The following LGR6 variants were observed in gnomAD, a reference collection of about 807,000 sequenced individuals.
LGR6 encodes the protein leucine-rich repeat-containing G protein-coupled receptor 6.
LGR6 carries 45 observed loss-of-function variants against 69.4 expected under a neutral mutation model. The observed-to-expected ratio is 0.65, with a 90% CI of 0.51 to 0.83. The LOEUF is 0.83. Among genes scored for constraint, LGR6 ranks in the 40% least tolerant of loss-of-function variants. LGR6 has a pLI of 0.00. For synonymous variants in LGR6, 538 were observed against 555.0 expected (o/e 0.97, Z 0.43); for missense variants, 1,108 against 1,246.7 (o/e 0.89, Z 1.68).
At chr1:202,271,663 C>A (rs2148143257) in intron 4 of LGR6, among the ~76,000 whole-genome samples, 1 of 152,114 alleles carries the variant, frequency 6.6e-6, no homozygotes, top group South Asian at 2.1e-4. Context: ...AAAAAATTAG[C>A]CGGGCTTGGT....
intron 3 of LGR6, among the ~76,000 whole-genome samples, chr1:202,230,754 C>A (rs1325846814): frequency 2.0e-5 from 3 of 152,198 alleles, no homozygotes; most frequent in Non-Finnish European, 2.9e-5. Context: ...CTGGGTGAGG[C>A]CTGAGGCTTG....
chr1:202,215,624 A>G (rs1333199496), intron 1 of LGR6, among the ~76,000 whole-genome samples: 1 of 152,166 alleles, frequency 6.6e-6, no homozygotes, highest in East Asian at 1.9e-4. Flanking sequence ...TGCCGTTTTC[A>G]TGTGCAGGAT....
intron 1 of LGR6, among the ~76,000 whole-genome samples, chr1:202,218,494 C>T (rs1008740623): frequency 1.3e-5 from 2 of 152,022 alleles, no homozygotes; most frequent in African/African-American, 2.4e-5. Context: ...GATGAGGTCT[C>T]GCAATGTTGT....
At chr1:202,279,866 T>G (rs1294804785) in intron 5 of LGR6, among the ~76,000 whole-genome samples, 1 of 152,256 alleles carries the variant, frequency 6.6e-6, no homozygotes, top group African/African-American at 2.4e-5. Flanking sequence ...TCAAGTGATG[T>G]AGTGTTGGTC....
intron 5 of LGR6, among the ~76,000 whole-genome samples, chr1:202,279,455 C>T (rs1375394019): frequency 6.6e-6 from 1 of 152,192 alleles, no homozygotes; most frequent in Non-Finnish European, 1.5e-5. Flanking sequence ...TTTTCTTCCC[C>T]TTGTCAGTGA....
intron 3 of LGR6, among the ~76,000 whole-genome samples, chr1:202,233,958 G>C (rs1661306441): frequency 6.6e-6 from 1 of 152,212 alleles, no homozygotes; most frequent in Non-Finnish European, 1.5e-5. Flanking sequence ...GATCAGGGCT[G>C]TCTGACTTCA....
intron 1 of LGR6, among the ~76,000 whole-genome samples, chr1:202,208,163 G>A (rs767427173): frequency 5.3e-5 from 8 of 152,086 alleles, no homozygotes; most frequent in Non-Finnish European, 1.0e-4. Context: ...CAATTTCGTC[G>A]CAACCCTCCT....
At chr1:202,309,637 C>T (rs1653554360) in intron 15 of LGR6, among the ~76,000 whole-genome samples, 1 of 152,262 alleles carries the variant, frequency 6.6e-6, no homozygotes, top group South Asian at 2.1e-4. Context: ...AGCAGTGGTG[C>T]AGCCTGCATG....
rs772005735 is a variant in LGR6 at position 202,214,210 on chromosome 1, C to T, written c.213-11213C>T. The T allele has an allele frequency of 5.2e-6, 8 of 1,542,328 alleles. No homozygotes were observed. In the East Asian group the frequency reaches 1.0e-4, roughly 20 times the overall value. On this transcript the variant is annotated intron_variant, in intron 1 of 17. Coordinates refer to ENST00000367278, the MANE Select transcript of LGR6 (RefSeq NM_001017403.2). ...AGGGCGGGACAGAACCTCTCCCGGGCTGGGAGTGCACGGCGCGGTGCGCCC... is the reference window on the plus strand; with the variant it reads ...AGGGCGGGACAGAACCTCTCCCGGGTTGGGAGTGCACGGCGCGGTGCGCCC...
At chr1:202,284,904 A>T (rs1353998707) in intron 6 of LGR6, among the ~76,000 whole-genome samples, 1 of 152,148 alleles carries the variant, frequency 6.6e-6, no homozygotes, top group African/African-American at 2.4e-5. Context: ...GGGCCTTGTT[A>T]TAACCTCACT....
chr1:202,200,051 T>TC (rs747725486), intron 1 of LGR6, among the ~76,000 whole-genome samples: 9 of 152,184 alleles, frequency 5.9e-5, no homozygotes, highest in Non-Finnish European at 1.2e-4. Flanking sequence ...AGATCACCCT[T>TC]CCTTCCCTCC....
chr1:202,311,585 A>G (rs1256962187), intron 16 of LGR6, among the ~76,000 whole-genome samples: 1 of 152,234 alleles, frequency 6.6e-6, no homozygotes, highest in African/African-American at 2.4e-5. Context: ...GCTTAAGCCC[A>G]GGAGGCGGAG....
At position 202,220,224 on chromosome 1, in the gene LGR6, A is replaced by AT. The variant is rs1031543213; in HGVS notation, c.213-5188dup. Among the ~76,000 whole-genome samples, 845 of 143,552 alleles carry AT rather than the reference A, an allele frequency of 5.9e-3. 6 individuals carry two copies. The highest frequency in any genetic ancestry group is 0.017 in the African/African-American group (671 of 39,018). The allele number at this position is 143,552 out of a possible 152,430, so 94.2% of individuals were successfully genotyped here. A position where few individuals can be genotyped will look rare whatever the true frequency, so the allele number is the denominator to read the frequency against. On this transcript the variant is annotated intron_variant, in intron 1 of 17. Coordinates refer to ENST00000367278, the MANE Select transcript of LGR6 (RefSeq NM_001017403.2). ...ATTTACTCATATACTTCACACTACAATTTTTTTTTTTGAGACAGAATCTCA... is the reference window on the plus strand; with the variant it reads ...ATTTACTCATATACTTCACACTACAATTTTTTTTTTTTGAGACAGAATCTCA...
chr1:202,249,658 C>G (rs958097068), intron 4 of LGR6, among the ~76,000 whole-genome samples: 1 of 152,202 alleles, frequency 6.6e-6, no homozygotes, highest in East Asian at 1.9e-4. Flanking sequence ...ATTTAGTTCC[C>G]TAATTCGGAG....
At chr1:202,267,682 A>G (rs982973527) in intron 4 of LGR6, among the ~76,000 whole-genome samples, 14 of 152,214 alleles carry the variant, frequency 9.2e-5, no homozygotes, top group African/African-American at 3.1e-4. Flanking sequence ...AATGCTGAGC[A>G]CACCTGGCAA....
At chr1:202,242,749 G>T (rs1270070462) in intron 4 of LGR6, among the ~76,000 whole-genome samples, 2 of 152,156 alleles carry the variant, frequency 1.3e-5, no homozygotes, top group Non-Finnish European at 2.9e-5. Flanking sequence ...TCTTAGGAGG[G>T]ATTGGCAGTG....
intron 4 of LGR6, among the ~76,000 whole-genome samples, chr1:202,257,124 T>C (rs1448438899): frequency 2.0e-5 from 3 of 152,264 alleles, no homozygotes; most frequent in African/African-American, 4.8e-5. Context: ...TTATCAGATA[T>C]ATGGTTTGAA....
At chr1:202,304,756 C>T (rs1667858868) in intron 11 of LGR6, 126 bp downstream of exon 11, 10 of 641,644 alleles carry the variant, frequency 1.6e-5, no homozygotes, top group Middle Eastern at 2.7e-4. Flanking sequence ...AGCATAGGCT[C>T]CTGCTGAGAG....
chr1:202,270,581 G>C (rs1571933635), intron 4 of LGR6, among the ~76,000 whole-genome samples: 1 of 152,110 alleles, frequency 6.6e-6, no homozygotes, highest in Non-Finnish European at 1.5e-5. Flanking sequence ...ACTGCCTTTG[G>C]GCATTTCTCT....
Sources: gnomAD v4.1 joint callset for allele counts (sites outside exome capture counted in the v4.1 genomes callset) on GRCh38, gnomAD v4.1.1 for gene constraint, MANE v1.5 for transcripts, NCBI Gene and HGNC (gene_info 2026-07-23, HGNC 2026-07-21) for gene names.